CIAO2A: variants seen among roughly 807,000 people sequenced by gnomAD.
CIAO2A encodes cytosolic iron-sulfur assembly component 2A.
A neutral mutation model predicts 22.4 loss-of-function variants in CIAO2A; 17 were observed. The ratio of observed to expected loss-of-function variants is 0.76; its 90% confidence interval spans 0.52 to 1.14. The LOEUF is 1.14. CIAO2A is among the 50% of genes most tolerant of loss of function. The pLI is 0.00. For synonymous variants in CIAO2A, 74 were observed against 72.3 expected (o/e 1.02, Z -0.12); for missense variants, 192 against 191.4 (o/e 1.00, Z -0.02).
chr15:64,089,484 G>C (rs917973050), intron 1 of CIAO2A, among the ~76,000 whole-genome samples: 10 of 150,878 alleles, frequency 6.6e-5, no homozygotes, highest in African/African-American at 2.4e-4. Flanking sequence ...CGCACTCTAG[G>C]CTGGGCAACA....
intron 2 of CIAO2A, among the ~76,000 whole-genome samples, chr15:64,081,835 G>A (rs12593928): frequency 0.54 from 81,601 of 151,842 alleles, 27,064 homozygotes; most frequent in East Asian, 0.8. Flanking sequence ...CACCCCACCC[G>A]GCCAATTCAA....
At chr15:64,077,012 T>C (rs1311542935) in intron 3 of CIAO2A, among the ~76,000 whole-genome samples, 2 of 152,078 alleles carry the variant, frequency 1.3e-5, no homozygotes, top group East Asian at 3.9e-4. Flanking sequence ...GGCCCCAATT[T>C]TTTTTAAAAA....
At chr15:64,080,244 C>T (rs1425278102) in intron 3 of CIAO2A, among the ~76,000 whole-genome samples, 1 of 151,316 alleles carries the variant, frequency 6.6e-6, no homozygotes, top group Non-Finnish European at 1.5e-5. Flanking sequence ...AAAAATTAGC[C>T]GGGAATGGTG....
At chr15:64,093,591 C>T in intron 1 of CIAO2A, 54 bp downstream of exon 1, 1 of 1,566,664 alleles carries the variant, frequency 6.4e-7, no homozygotes, top group Non-Finnish European at 8.7e-7. Context: ...CCGCACCCCT[C>T]AGCTCCGGCC....
chr15:64,080,422 C>G (rs1357736058), intron 3 of CIAO2A, among the ~76,000 whole-genome samples: 1 of 151,860 alleles, frequency 6.6e-6, no homozygotes, highest in Non-Finnish European at 1.5e-5. Flanking sequence ...GTGGCTCATG[C>G]CTGTAATCCC....
chr15:64,073,136 T>A, intron 4 of CIAO2A, 108 bp from the exon 5 acceptor site: 2 of 696,760 alleles, frequency 2.9e-6, no homozygotes, highest in Non-Finnish European at 4.8e-6. Flanking sequence ...CTTGAGAACT[T>A]AAACCTGTTT....
Position 64,093,673 on chromosome 15 carries a change from G to T in CIAO2A, c.96C>A (p.Ile32=). Residue 32 remains isoleucine (I), a synonymous_variant, in exon 1 of 5, where the codon ATC becomes ATA. Transcript: ENST00000300030. ...SEPGAARQPR[I]MEEKALEVYD... ...AAACTTCTAGCGCTTTCTCTTCCATGATCCGGGGCTGCCGGGCAGCTCCCG... is the reference window on the plus strand; with the variant it reads ...AAACTTCTAGCGCTTTCTCTTCCATTATCCGGGGCTGCCGGGCAGCTCCCG... The T allele has an allele frequency of 3.1e-6, 5 of 1,613,950 alleles. No homozygotes were observed. The highest frequency in any genetic ancestry group is 4.2e-6 in the Non-Finnish European group (5 of 1,179,932).
intron 1 of CIAO2A, among the ~76,000 whole-genome samples, chr15:64,089,690 A>G (rs2080825011): frequency 6.6e-6 from 1 of 152,186 alleles, no homozygotes; most frequent in Non-Finnish European, 1.5e-5. Context: ...AGTGACATGG[A>G]CAACACTGTG....
chr15:64,074,479 C>T (rs1416480243), intron 4 of CIAO2A: 1 of 152,136 alleles, frequency 6.6e-6, no homozygotes, highest in Admixed American at 6.5e-5. Context: ...AATTTCAAAA[C>T]GATAACCTGA....
At chr15:64,086,689 C>T (rs2080798384) in intron 2 of CIAO2A, among the ~76,000 whole-genome samples, 1 of 151,218 alleles carries the variant, frequency 6.6e-6, no homozygotes, top group Non-Finnish European at 1.5e-5. Context: ...TCTCAGCTCA[C>T]TGCAACCTCC....
intron 4 of CIAO2A, 91 bp from the exon 5 acceptor site, chr15:64,073,119 T>G: frequency 1.2e-6 from 1 of 810,876 alleles, no homozygotes; most frequent in Non-Finnish European, 2.0e-6. Flanking sequence ...AACAAAAACT[T>G]TAACTCCTTG....
chr15:64,078,639 C>CAAA lies in CIAO2A; in HGVS notation c.339+2460_339+2462dup, dbSNP rs56266808. On this transcript the variant is annotated intron_variant, in intron 3 of 4. Coordinates refer to ENST00000300030, the MANE Select transcript of CIAO2A (RefSeq NM_032231.7). ...CGACAGAGCGAGATTCCATCGCAAA[C>CAAA]AAAAAAAAAAAAAAAAGAAAAGAGA... is the stretch of plus-strand genomic sequence containing the variant. Among the ~76,000 whole-genome samples the CAAA allele has an allele frequency of 1.6e-3, 205 of 129,136 alleles. 7 individuals carry two copies. Among genetic ancestry groups the CAAA allele is most frequent in the Admixed American group, 0.01 (123 of 12,150 alleles). The allele number at this position is 129,136 out of a possible 152,430, so 84.7% of individuals were successfully genotyped here.
intron 3 of CIAO2A, among the ~76,000 whole-genome samples, chr15:64,077,228 G>A (rs1435018832): frequency 6.6e-6 from 1 of 152,222 alleles, no homozygotes; most frequent in East Asian, 1.9e-4. Flanking sequence ...AACCCGGGAG[G>A]TGGAGGTTAC....
intron 4 of CIAO2A, 23 bp downstream of exon 4, chr15:64,075,469 A>T: frequency 6.7e-7 from 1 of 1,497,290 alleles, no homozygotes; most frequent in Non-Finnish European, 9.1e-7. Flanking sequence ...TTGTTTTTCA[A>T]TTATGTTTCA....
chr15:64,093,049 A>G (rs1462470296), intron 1 of CIAO2A, among the ~76,000 whole-genome samples: 1 of 152,224 alleles, frequency 6.6e-6, no homozygotes, highest in Non-Finnish European at 1.5e-5. Flanking sequence ...AAAATATTTA[A>G]TATGCAACAT....
intron 3 of CIAO2A, among the ~76,000 whole-genome samples, chr15:64,078,708 C>G (rs926631231): frequency 6.7e-6 from 1 of 148,864 alleles, no homozygotes; most frequent in African/African-American, 2.5e-5. Context: ...ACAAACAGAA[C>G]ACAAGTTAGA....
chr15:64,085,554 G>A (rs1260931777), intron 2 of CIAO2A, among the ~76,000 whole-genome samples: 1 of 152,146 alleles, frequency 6.6e-6, no homozygotes, highest in Non-Finnish European at 1.5e-5. Context: ...AATAATTCAT[G>A]TATTTCATGC....
intron 4 of CIAO2A, chr15:64,074,609 A>G (rs1007051172): frequency 6.6e-6 from 1 of 152,204 alleles, no homozygotes; most frequent in Non-Finnish European, 1.5e-5. Context: ...TAGAACTATA[A>G]ATAGGGCATG....
At chr15:64,083,257 A>T (rs955703797) in intron 2 of CIAO2A, among the ~76,000 whole-genome samples, 1 of 152,084 alleles carries the variant, frequency 6.6e-6, no homozygotes, top group African/African-American at 2.4e-5. Context: ...TTCATTTTAC[A>T]GCCAAGAAAC....
Sources: allele counts gnomAD v4.1 joint callset (sites outside exome capture counted in the v4.1 genomes callset), GRCh38; gene constraint gnomAD v4.1.1; transcripts MANE v1.5; gene names NCBI Gene and HGNC (gene_info 2026-07-23, HGNC 2026-07-21).